CNTN4: variants seen among roughly 807,000 people sequenced by gnomAD.
The protein encoded by CNTN4 is contactin 4.
A neutral mutation model predicts 122.5 loss-of-function variants in CNTN4; 77 were observed. The ratio of observed to expected loss-of-function variants is 0.63; its 90% CI spans 0.52 to 0.76. The LOEUF (loss-of-function observed/expected upper bound fraction) is 0.76. CNTN4 is among the 30% of genes least tolerant of loss of function. The probability of loss-of-function intolerance (pLI) is 0.00; values close to 1 mark genes in which losing one functional copy is unlikely to be tolerated. For missense variants in CNTN4, 1,256 were observed against 1,259.1 expected, an observed-to-expected ratio of 1.00 and a Z score of 0.04; for synonymous variants, 512 against 447.0, an observed-to-expected ratio of 1.15 and a Z score of -1.83.
chr3:2,454,895 G>GT (rs1559566909), intron 3 of CNTN4, among the ~76,000 whole-genome samples: 1 of 152,164 alleles, frequency 6.6e-6, no homozygotes, highest in Non-Finnish European at 1.5e-5. Context: ...ATTTAAGAAT[G>GT]TAAGTAGTGG....
At chr3:2,842,414 C>G (rs189333955) in intron 7 of CNTN4, among the ~76,000 whole-genome samples, 24 of 152,318 alleles carry the variant, frequency 1.6e-4, no homozygotes, top group Non-Finnish European at 3.4e-4. Flanking sequence ...GAACTTCACT[C>G]TAGCTATCGT....
intron 10 of CNTN4, among the ~76,000 whole-genome samples, chr3:2,898,492 C>T (rs2094138868): frequency 6.6e-6 from 1 of 152,144 alleles, no homozygotes; most frequent in Non-Finnish European, 1.5e-5. Flanking sequence ...CTAGTTAGAG[C>T]TTTGCAAGGC....
At chr3:2,805,117 C>T (rs2150091574) in intron 6 of CNTN4, among the ~76,000 whole-genome samples, 1 of 152,178 alleles carries the variant, frequency 6.6e-6, no homozygotes, top group African/African-American at 2.4e-5. Flanking sequence ...GCGGAGGTTG[C>T]AGTGAGCCGA....
At chr3:2,645,198 A>G (rs1039231196) in intron 4 of CNTN4, among the ~76,000 whole-genome samples, 23 of 152,026 alleles carry the variant, frequency 1.5e-4, no homozygotes, top group African/African-American at 5.6e-4. Context: ...TGTCTTATCA[A>G]TCTATTGTGC....
At chr3:2,915,287 A>C (rs1248808033) in intron 12 of CNTN4, among the ~76,000 whole-genome samples, 1 of 152,170 alleles carries the variant, frequency 6.6e-6, no homozygotes, top group Non-Finnish European at 1.5e-5. Flanking sequence ...GCTGGTCTCA[A>C]ACTCCTGACC....
chr3:3,032,566 G>A (rs933737884), intron 16 of CNTN4, among the ~76,000 whole-genome samples: 5 of 152,208 alleles, frequency 3.3e-5, no homozygotes, highest in African/African-American at 1.2e-4. Flanking sequence ...ACATTACAGA[G>A]GGGGAGGCAG....
At chr3:3,005,578 G>A (rs924159033) in intron 14 of CNTN4, among the ~76,000 whole-genome samples, 11 of 151,178 alleles carry the variant, frequency 7.3e-5, no homozygotes, top group Non-Finnish European at 1.2e-4. Flanking sequence ...TCTGGAGGCC[G>A]TGGTCTAGAG....
At chr3:2,446,243 T>C (rs887389293) in intron 3 of CNTN4, among the ~76,000 whole-genome samples, 1 of 152,180 alleles carries the variant, frequency 6.6e-6, no homozygotes, top group African/African-American at 2.4e-5. Flanking sequence ...CCTGTGTGTT[T>C]TAACCTCTTA....
rs374426223 is a variant in CNTN4 at position 2,289,254 on chromosome 3, A to T, written c.-144-49924A>T. On this transcript the variant is annotated intron_variant, in intron 2 of 24. Transcript: ENST00000418658. ...TAGGTACAGGGAAGGATGAGAGACC[A>T]GGTCCCCTAAAACCCAGAGAGACTA... 2.6e-5 allele frequency among the ~76,000 whole-genome samples: 4 copies of T among 152,346 alleles called. No individual in the cohort carries two copies. The East Asian group carries it at 7.7e-4, about 29-fold the overall frequency.
At chr3:2,698,911 T>G (rs1162637302) in intron 4 of CNTN4, among the ~76,000 whole-genome samples, 1 of 151,952 alleles carries the variant, frequency 6.6e-6, no homozygotes, top group Non-Finnish European at 1.5e-5. Flanking sequence ...TAATCCCAGC[T>G]ACTTGGGAGG....
intron 3 of CNTN4, among the ~76,000 whole-genome samples, chr3:2,565,104 G>A (rs535295587): frequency 6.6e-6 from 1 of 152,182 alleles, no homozygotes; most frequent in South Asian, 2.1e-4. Context: ...TGATGGAAAC[G>A]GTGTCTAAAT....
At chr3:2,707,305 C>CA (rs368979927) in intron 4 of CNTN4, among the ~76,000 whole-genome samples, 3,655 of 138,598 alleles carry the variant, frequency 0.026, 61 homozygotes, top group African/African-American at 0.051. Flanking sequence ...GACCATGTCT[C>CA]AAAAAAAAAA....
intron 3 of CNTN4, among the ~76,000 whole-genome samples, chr3:2,501,636 G>A (rs189378780): frequency 6.6e-6 from 1 of 152,184 alleles, no homozygotes; most frequent in African/African-American, 2.4e-5. Flanking sequence ...ATTACCTTCT[G>A]TACCTGTGTA....
In CNTN4 at chr3:2,342,078, A is replaced by G. The variant is rs374468222; in HGVS notation, c.-89+2845A>G. 3.3e-5 allele frequency among the ~76,000 whole-genome samples: 5 copies of G among 152,330 alleles called. No homozygotes were observed. In the East Asian group the frequency reaches 9.6e-4, roughly 29 times the overall value. ...GTCAGTGGTTGAATGGGCCATTTAG[A>G]TGTTCTTATTATATATCCATCAACT... On this transcript the variant is annotated intron_variant, in intron 3 of 24. Coordinates refer to ENST00000418658, the MANE Select transcript of CNTN4 (RefSeq NM_175607.3).
chr3:2,981,422 C>G (rs576958448), intron 13 of CNTN4, among the ~76,000 whole-genome samples: 1 of 151,668 alleles, frequency 6.6e-6, no homozygotes, highest in Non-Finnish European at 1.5e-5. Flanking sequence ...CCAGCCTGGG[C>G]GACAGAGCGA....
chr3:2,999,019 A>T (rs1342317660), intron 14 of CNTN4: 1 of 152,242 alleles, frequency 6.6e-6, no homozygotes, highest in Non-Finnish European at 1.5e-5. Context: ...AGAGAGATCC[A>T]CATAAATATT....
At chr3:2,905,948 G>A (rs1358716684) in intron 12 of CNTN4, among the ~76,000 whole-genome samples, 1 of 152,178 alleles carries the variant, frequency 6.6e-6, no homozygotes, top group Non-Finnish European at 1.5e-5. Context: ...ACTCCTCAGT[G>A]GATGAATGGG....
rs536958469 is a variant in CNTN4, at chr3:2,838,868, C to T, written c.454+19287C>T. 2.4e-4 allele frequency among the ~76,000 whole-genome samples: 37 copies of T among 152,264 alleles called. No homozygotes were observed. The South Asian group carries it at 2.5e-3, about 10-fold the overall frequency. ...AAGCTGTGAGTTTCCTCCCCAACACCGACCGCTTTTGCTTTTATGTGCCAC... is the reference window on the plus strand; with the variant it reads ...AAGCTGTGAGTTTCCTCCCCAACACTGACCGCTTTTGCTTTTATGTGCCAC... On this transcript the variant is annotated intron_variant, in intron 7 of 24. Coordinates refer to ENST00000418658, the MANE Select transcript of CNTN4 (RefSeq NM_175607.3).
chr3:2,824,593 C>G (rs368832604), intron 7 of CNTN4, among the ~76,000 whole-genome samples: 4 of 152,158 alleles, frequency 2.6e-5, no homozygotes, highest in African/African-American at 9.7e-5. Context: ...TGGAGTGCTT[C>G]GATTTCCACA....
Sources: allele counts gnomAD v4.1 joint callset (sites outside exome capture counted in the v4.1 genomes callset), GRCh38; gene constraint gnomAD v4.1.1; transcripts MANE v1.5; gene names NCBI Gene and HGNC (gene_info 2026-07-23, HGNC 2026-07-21).